RANBP2: variants seen among roughly 807,000 people sequenced by gnomAD.
The protein encoded by RANBP2 is RAN binding protein 2.
Under a neutral mutation model 303.6 loss-of-function variants are expected in RANBP2, and 57 were observed. The observed-to-expected ratio is 0.19, with a 90% CI of 0.15 to 0.23. RANBP2 has a LOEUF of 0.23. Among genes scored for constraint, RANBP2 ranks in the 10% least tolerant of loss-of-function variants. The pLI is 1.00. For missense variants in RANBP2, 3,138 were observed against 3,780.8 expected, an observed-to-expected ratio of 0.83 and a Z score of 4.46; for synonymous variants, 1,167 against 1,301.5, an observed-to-expected ratio of 0.90 and a Z score of 2.23.
the RANBP2 span, among the ~76,000 whole-genome samples, chr2:108,959,391 T>TA: frequency 6.6e-6 from 1 of 152,194 alleles, no homozygotes; most frequent in Admixed American, 6.5e-5. Flanking sequence ...CCAGTGTCTG[T>TA]AATGCAGGGG....
chr2:109,072,710 G>A, the RANBP2 span, among the ~76,000 whole-genome samples: 2 of 152,166 alleles, frequency 1.3e-5, no homozygotes, highest in South Asian at 4.1e-4. Flanking sequence ...GCTCAGTGCA[G>A]AGCAAGTAGG....
the RANBP2 span, among the ~76,000 whole-genome samples, chr2:108,858,581 C>T: frequency 7.2e-5 from 11 of 152,116 alleles, no homozygotes; most frequent in Admixed American, 1.3e-4. Context: ...TTTATTAGAG[C>T]GAGGAAAGAT....
At chr2:109,005,338 G>A in the RANBP2 span, among the ~76,000 whole-genome samples, 2 of 152,180 alleles carry the variant, frequency 1.3e-5, no homozygotes, top group Admixed American at 6.5e-5. Flanking sequence ...AGAAGGTCAA[G>A]TCCAAATTCC....
chr2:109,614,871 C>G, the RANBP2 span: 1 of 1,421,580 alleles, frequency 7.0e-7, no homozygotes, highest in Non-Finnish European at 9.1e-7. Flanking sequence ...GGAGTCGCTC[C>G]CTGGACAGGG....
At chr2:109,721,687 C>A in the RANBP2 span, among the ~76,000 whole-genome samples, 1 of 152,226 alleles carries the variant, frequency 6.6e-6, no homozygotes, top group South Asian at 2.1e-4. Context: ...TTAACTTTCC[C>A]ATTTCTTTCA....
the RANBP2 span, among the ~76,000 whole-genome samples, chr2:109,661,482 G>A: frequency 7.2e-5 from 11 of 152,162 alleles, no homozygotes; most frequent in South Asian, 4.1e-4. Context: ...TCCTGACCTC[G>A]TGATCTGCTT....
chr2:109,549,542 AG>A, the RANBP2 span, among the ~76,000 whole-genome samples: 1 of 152,228 alleles, frequency 6.6e-6, no homozygotes, highest in Non-Finnish European at 1.5e-5. Flanking sequence ...TACGACAGGC[AG>A]TTAATTCAAA....
chr2:108,919,828 G>A, the RANBP2 span, among the ~76,000 whole-genome samples: 1 of 152,210 alleles, frequency 6.6e-6, no homozygotes, highest in Non-Finnish European at 1.5e-5. Flanking sequence ...GAGCCCTTCT[G>A]CCCAGTGGCT....
chr2:109,307,170 A>G, the RANBP2 span, among the ~76,000 whole-genome samples: 119 of 152,358 alleles, frequency 7.8e-4, no homozygotes, highest in African/African-American at 2.7e-3. Flanking sequence ...GGGAACATTC[A>G]CATTTAGTTT....
the RANBP2 span, among the ~76,000 whole-genome samples, chr2:108,804,596 TTGTG>T: frequency 1.3e-5 from 2 of 152,194 alleles, no homozygotes; most frequent in African/African-American, 4.8e-5. Flanking sequence ...TTCCATGAGT[TTGTG>T]TGAGTGGATT....
the RANBP2 span, among the ~76,000 whole-genome samples, chr2:109,250,790 T>G: frequency 1.3e-5 from 2 of 151,910 alleles, no homozygotes; most frequent in African/African-American, 2.4e-5. Context: ...AGTGCTTCAA[T>G]AGGGAATTAG....
At chr2:108,730,447 C>G (rs2693132) in intron 2 of RANBP2, among the ~76,000 whole-genome samples, 25 of 151,906 alleles carry the variant, frequency 1.6e-4, no homozygotes, top group Admixed American at 5.2e-4. Flanking sequence ...CTAATTTATT[C>G]GCAAAACTGT....
At chr2:109,124,690 T>G in the RANBP2 span, 1 of 152,240 alleles carries the variant, frequency 6.6e-6, no homozygotes, top group Non-Finnish European at 1.5e-5. Flanking sequence ...TACAGTTCAG[T>G]GGCATTAAGT....
At chr2:109,544,453 A>G in the RANBP2 span, 1 of 1,397,002 alleles carries the variant, frequency 7.2e-7, no homozygotes, top group Admixed American at 3.1e-5. Flanking sequence ...AAAAAACCAA[A>G]AACACCAAAC....
chr2:108,769,632 C>T (rs544273718), intron 20 of RANBP2, among the ~76,000 whole-genome samples: 9 of 151,906 alleles, frequency 5.9e-5, no homozygotes, highest in Non-Finnish European at 1.2e-4. Context: ...TAGCCACTAA[C>T]GTCTGCCAGT....
chr2:109,085,196 C>T, the RANBP2 span, among the ~76,000 whole-genome samples: 1 of 152,170 alleles, frequency 6.6e-6, no homozygotes, highest in Non-Finnish European at 1.5e-5. Context: ...AGAGGCTGTG[C>T]TACTCTTCTT....
At chr2:109,255,225 T>G in the RANBP2 span, among the ~76,000 whole-genome samples, 2 of 152,294 alleles carry the variant, frequency 1.3e-5, no homozygotes, top group South Asian at 4.1e-4. Context: ...TGTTGGGGCT[T>G]CGGAATAGTG....
intron 7 of RANBP2, among the ~76,000 whole-genome samples, chr2:108,743,974 C>T (rs948665154): frequency 2.6e-5 from 4 of 152,108 alleles, no homozygotes; most frequent in Admixed American, 1.3e-4. Flanking sequence ...TATGTGCTGG[C>T]ATTTGGGTAT....
the RANBP2 span, among the ~76,000 whole-genome samples, chr2:109,598,156 G>A: frequency 6.6e-6 from 1 of 151,986 alleles, no homozygotes; most frequent in Non-Finnish European, 1.5e-5. Context: ...TCTGCCTTCT[G>A]GGTTCAAGCG....
Sources: allele counts gnomAD v4.1 joint callset (sites outside exome capture counted in the v4.1 genomes callset), GRCh38; gene constraint gnomAD v4.1.1; transcripts MANE v1.5; gene names NCBI Gene and HGNC (gene_info 2026-07-23, HGNC 2026-07-21).